RBFOX1: variants seen among roughly 807,000 people sequenced by gnomAD.
RBFOX1 encodes the protein RNA binding fox-1 homolog 1.
Under a neutral mutation model 57.7 loss-of-function variants are expected in RBFOX1, and 8 were observed. The ratio of observed to expected loss-of-function variants is 0.14; its 90% CI spans 0.08 to 0.25. The LOEUF (loss-of-function observed/expected upper bound fraction) is 0.25, where lower values mean the gene tolerates loss of function less well. RBFOX1 is among the 10% of genes least tolerant of loss of function. RBFOX1 has a pLI of 1.00. For synonymous variants in RBFOX1, 326 were observed against 222.4 expected (o/e 1.47, Z -4.15); for missense variants, 611 against 548.5 (o/e 1.11, Z -1.14).
At chr16:5,999,065 G>C (rs1380522857) in intron 4 of RBFOX1, among the ~76,000 whole-genome samples, 1 of 152,172 alleles carries the variant, frequency 6.6e-6, no homozygotes, top group Non-Finnish European at 1.5e-5. Flanking sequence ...CTCTGTTCAA[G>C]GAGCATGACA....
intron 4 of RBFOX1, among the ~76,000 whole-genome samples, chr16:7,202,987 C>T (rs1004256534): frequency 6.6e-6 from 1 of 152,110 alleles, no homozygotes; most frequent in South Asian, 2.1e-4. Context: ...GGGATTTCAC[C>T]GTGTGAGCCA....
chr16:6,162,625 C>T (rs1048809406), intron 1 of RBFOX1, among the ~76,000 whole-genome samples: 1 of 152,142 alleles, frequency 6.6e-6, no homozygotes. Flanking sequence ...AAGGAAAGAA[C>T]AACTCAAGGG....
At chr16:5,391,103 G>A (rs940637051) in intron 1 of RBFOX1, among the ~76,000 whole-genome samples, 2 of 152,174 alleles carry the variant, frequency 1.3e-5, no homozygotes, top group African/African-American at 4.8e-5. Flanking sequence ...ACATTCCTTG[G>A]AAGCAAAACC....
intron 3 of RBFOX1, among the ~76,000 whole-genome samples, chr16:6,831,539 A>C (rs1043138869): frequency 2.6e-5 from 4 of 152,230 alleles, no homozygotes; most frequent in African/African-American, 9.6e-5. Flanking sequence ...TCACCTCTGA[A>C]CATTACATCT....
At chr16:6,775,540 T>C (rs2079179348) in intron 3 of RBFOX1, among the ~76,000 whole-genome samples, 4 of 152,202 alleles carry the variant, frequency 2.6e-5, no homozygotes, top group South Asian at 2.1e-4. Flanking sequence ...GAACCAGTTA[T>C]GTCAGTCCAT....
At chr16:7,234,143 G>A (rs1446232489) in intron 4 of RBFOX1, among the ~76,000 whole-genome samples, 1 of 152,138 alleles carries the variant, frequency 6.6e-6, no homozygotes. Flanking sequence ...TTTGCTGGCA[G>A]ACGCTTTTGT....
chr16:7,291,012 T>A (rs552369292), intron 4 of RBFOX1, among the ~76,000 whole-genome samples: 1 of 152,356 alleles, frequency 6.6e-6, no homozygotes, highest in African/African-American at 2.4e-5. Context: ...AACTAGGCAC[T>A]GGGCATTCTG....
At chr16:7,095,609 G>A (rs1303578904) in intron 4 of RBFOX1, among the ~76,000 whole-genome samples, 2 of 152,170 alleles carry the variant, frequency 1.3e-5, no homozygotes, top group Non-Finnish European at 2.9e-5. Flanking sequence ...TCTATACTTG[G>A]ATGTCATGAT....
chr16:6,768,408 C>G (rs2077721122), intron 3 of RBFOX1, among the ~76,000 whole-genome samples: 1 of 151,676 alleles, frequency 6.6e-6, no homozygotes. Context: ...TATAATTGCT[C>G]CAAGCAAATC....
At chr16:7,693,224 C>A in intron 14 of RBFOX1, 1 of 1,028,270 alleles carries the variant, frequency 9.7e-7, no homozygotes, top group Non-Finnish European at 1.5e-6. Flanking sequence ...CAGCACCCTT[C>A]CCTCCCCTCA....
At chr16:6,217,797 T>C (rs1440217848) in intron 1 of RBFOX1, among the ~76,000 whole-genome samples, 1 of 152,116 alleles carries the variant, frequency 6.6e-6, no homozygotes, top group Non-Finnish European at 1.5e-5. Flanking sequence ...GGTGGATCAC[T>C]TGAGACCAAG....
chr16:7,413,614 G>A (rs893179491), intron 4 of RBFOX1, among the ~76,000 whole-genome samples: 14 of 152,046 alleles, frequency 9.2e-5, no homozygotes, highest in Admixed American at 1.3e-4. Context: ...CTGCCCCTTT[G>A]CTTGTCCTCT....
At chr16:5,454,854 T>TTTCC (rs1555524090) in intron 1 of RBFOX1, among the ~76,000 whole-genome samples, 4 of 67,474 alleles carry the variant, frequency 5.9e-5, no homozygotes, top group Middle Eastern at 6.4e-3. Context: ...TCTTTCTTTC[T>TTTCC]TTTCTTTCTT....
intron 1 of RBFOX1, among the ~76,000 whole-genome samples, chr16:6,290,174 G>C (rs181451977): frequency 7.0e-6 from 1 of 142,050 alleles, no homozygotes; most frequent in East Asian, 2.0e-4. Context: ...ACCTGAAAGT[G>C]AGCATTAGTT....
intron 1 of RBFOX1, among the ~76,000 whole-genome samples, chr16:5,240,368 G>A (rs553509752): frequency 4.6e-5 from 7 of 152,162 alleles, no homozygotes; most frequent in African/African-American, 1.7e-4. Flanking sequence ...TAGCCAAAAG[G>A]GGAGGGGGAG....
chr16:6,885,352 AC>A (rs1339096841), intron 3 of RBFOX1, among the ~76,000 whole-genome samples: 2 of 152,274 alleles, frequency 1.3e-5, no homozygotes, highest in East Asian at 3.9e-4. Flanking sequence ...TCTGATTTAA[AC>A]AAGCCTTCGG....
chr16:6,189,596 A>G (rs2097129437), intron 1 of RBFOX1, among the ~76,000 whole-genome samples: 3 of 152,178 alleles, frequency 2.0e-5, no homozygotes, highest in Non-Finnish European at 4.4e-5. Flanking sequence ...TGTTGGGGGC[A>G]TTTTAACTCA....
Position 6,563,003 on chromosome 16 carries a change from G to A in RBFOX1, c.-63-91600G>A, listed in dbSNP as rs75345498. 1.0e-2 allele frequency among the ~76,000 whole-genome samples: 1,493 copies of A among 149,470 alleles called. 33 individuals are homozygous for A. The highest frequency in any genetic ancestry group is 0.035 in the African/African-American group (1,426 of 40,514). ...AATGTACCTTCCATGAAGCTTACCA[G>A]CATGTTTTATCATGTGTTCAATGTC... is the stretch of plus-strand genomic sequence containing the variant. On this transcript the variant is annotated intron_variant, in intron 2 of 15. Transcript: ENST00000550418.
intron 2 of RBFOX1, among the ~76,000 whole-genome samples, chr16:6,593,952 T>G (rs2097751563): frequency 6.6e-6 from 1 of 152,204 alleles, no homozygotes; most frequent in African/African-American, 2.4e-5. Flanking sequence ...TTGTTCAATT[T>G]GGCGTTTAGG....
Sources: gnomAD v4.1 joint callset for allele counts (sites outside exome capture counted in the v4.1 genomes callset) on GRCh38, gnomAD v4.1.1 for gene constraint, MANE v1.5 for transcripts, NCBI Gene and HGNC (gene_info 2026-07-23, HGNC 2026-07-21) for gene names.